The following PARPBP variants were observed in gnomAD, a reference collection of about 807,000 sequenced individuals.
PARPBP encodes PARP1 binding protein, also known as PCNA-interacting partner.
In PARPBP, 52 loss-of-function variants were observed where a neutral mutation model predicts 50.0. The observed-to-expected ratio is 1.04, with a 90% CI of 0.83 to 1.31. The LOEUF is 1.31. PARPBP is among the 50% of genes most tolerant of loss of function. The pLI is 0.00. For missense variants in PARPBP, 697 were observed against 672.0 expected (o/e 1.04, Z -0.41); for synonymous variants, 244 against 232.1 (o/e 1.05, Z -0.47).
chr12:102,175,367 T>C (rs1410988030), intron 6 of PARPBP, 116 bp from the exon 7 acceptor site: 18 of 593,300 alleles, frequency 3.0e-5, no homozygotes, highest in Non-Finnish European at 3.6e-5. Context: ...GTTTGATATA[T>C]AAGATCAAAG....
At chr12:102,194,029 A>T (rs181833317) in intron 9 of PARPBP, among the ~76,000 whole-genome samples, 1 of 152,140 alleles carries the variant, frequency 6.6e-6, no homozygotes, top group Admixed American at 6.6e-5. Flanking sequence ...ACTGTCACAG[A>T]CCTCATTAGT....
chr12:102,179,161 T>A (rs527314203), intron 8 of PARPBP, among the ~76,000 whole-genome samples: 140 of 152,284 alleles, frequency 9.2e-4, no homozygotes, highest in African/African-American at 3.1e-3. Context: ...ACTTGAGAGA[T>A]ATTAAGTAAT....
At chr12:102,179,915 ATCTCT>A (rs1375023724) in intron 8 of PARPBP, among the ~76,000 whole-genome samples, 1 of 152,056 alleles carries the variant, frequency 6.6e-6, no homozygotes, top group Non-Finnish European at 1.5e-5. Flanking sequence ...GTACCGCTTG[ATCTCT>A]TCTATTTTCT....
At chr12:102,190,300 C>T (rs760370586) in intron 9 of PARPBP, among the ~76,000 whole-genome samples, 71 of 151,886 alleles carry the variant, frequency 4.7e-4, no homozygotes, top group Non-Finnish European at 8.5e-4. Flanking sequence ...TTAATTCATT[C>T]AAAAAACAGT....
chr12:102,143,759 A>G (rs188275261), intron 2 of PARPBP, among the ~76,000 whole-genome samples: 11 of 152,072 alleles, frequency 7.2e-5, no homozygotes, highest in Admixed American at 3.3e-4. Context: ...CTGACTGACA[A>G]TCGTGTTAAT....
At chr12:102,193,229 A>G (rs894506893) in intron 9 of PARPBP, among the ~76,000 whole-genome samples, 1 of 151,944 alleles carries the variant, frequency 6.6e-6, no homozygotes. Context: ...TACCTAGACT[A>G]TATGTTAAAA....
intron 2 of PARPBP, among the ~76,000 whole-genome samples, chr12:102,139,390 G>A (rs922391802): frequency 3.9e-5 from 6 of 152,188 alleles, no homozygotes; most frequent in Admixed American, 6.5e-5. Context: ...GGGCTGAGAC[G>A]ATGGGGTTTT....
intron 2 of PARPBP, among the ~76,000 whole-genome samples, chr12:102,138,809 A>G (rs1884084492): frequency 6.6e-6 from 1 of 152,162 alleles, no homozygotes; most frequent in South Asian, 2.1e-4. Context: ...GATGTGTGAT[A>G]TTATTTCTGA....
intron 7 of PARPBP, among the ~76,000 whole-genome samples, chr12:102,176,937 G>T (rs1031453617): frequency 6.6e-6 from 1 of 152,124 alleles, no homozygotes. Flanking sequence ...GTATCAATCA[G>T]AATCTGTCAA....
chr12:102,122,864 G>C (rs1196066251), intron 1 of PARPBP, among the ~76,000 whole-genome samples: 1 of 152,178 alleles, frequency 6.6e-6, no homozygotes, highest in African/African-American at 2.4e-5. Flanking sequence ...TCAATATTAA[G>C]CTTTTGAAAA....
chr12:102,130,279 A>G (rs533797586), intron 2 of PARPBP, among the ~76,000 whole-genome samples: 1 of 152,340 alleles, frequency 6.6e-6, no homozygotes, highest in African/African-American at 2.4e-5. Context: ...CCAAAACTGG[A>G]AAAACCCTGG....
rs187625637 is a variant in PARPBP at position 102,154,110 on chromosome 12, C to T, written c.495+134C>T. ...TCTTTAGTATGTTTAAAACTGTATT[C>T]GCAAAGAATAATACATTGGAGGCTG... On this transcript the variant is annotated intron_variant, in intron 4 of 10. Transcript: ENST00000327680. 5.5e-5 allele frequency: 31 copies of T among 561,498 alleles called. No individual in the cohort carries two copies. In the East Asian group the frequency reaches 7.1e-4, roughly 13 times the overall value. 34.8% of individuals were successfully genotyped at this position (561,498 alleles called of 1,614,324 possible).
At chr12:102,140,311 T>G (rs1275420445) in intron 2 of PARPBP, among the ~76,000 whole-genome samples, 1 of 152,228 alleles carries the variant, frequency 6.6e-6, no homozygotes, top group Non-Finnish European at 1.5e-5. Flanking sequence ...TTTGTATTTC[T>G]GTGGGATTGG....
chr12:102,178,670 G>T lies in PARPBP; in HGVS notation c.1084G>T (p.Glu362Ter), dbSNP rs779839262. 2 of 1,613,308 alleles carry T rather than the reference G, an allele frequency of 1.2e-6. No individual in the cohort carries two copies. The highest frequency in any genetic ancestry group is 4.5e-5 in the East Asian group (2 of 44,854). Residue 362 changes from glutamate (E) to a stop codon, truncating the protein, a stop_gained, in exon 8 of 11, where the codon GAA (glutamate) becomes TAA (stop). Transcript: ENST00000327680. LOFTEE classifies it high-confidence loss of function. ...TVKALLVLLDEEAANAPTKNK... is the reference protein window; with the variant it reads ...TVKALLVLLD Reference sequence around the variant, plus strand: ...GAAAGCCTTATTAGTTCTTTTGGACGAAGAAGCAGCTAATGCTCCTACCAA... The same window carrying T: ...GAAAGCCTTATTAGTTCTTTTGGACTAAGAAGCAGCTAATGCTCCTACCAA...
chr12:102,131,848 G>A (rs574394325), intron 2 of PARPBP, among the ~76,000 whole-genome samples: 1 of 152,302 alleles, frequency 6.6e-6, no homozygotes, highest in South Asian at 2.1e-4. Flanking sequence ...GTGACGGGTG[G>A]GAGGAGGGAG....
chr12:102,158,487 C>T lies in PARPBP; in HGVS notation c.495+4511C>T, dbSNP rs201036400. Among the ~76,000 whole-genome samples, 5 of 152,320 alleles carry T rather than the reference C, an allele frequency of 3.3e-5. No homozygotes were observed. The East Asian group carries it at 9.6e-4, about 29-fold the overall frequency. On this transcript the variant is annotated intron_variant, in intron 4 of 10. Transcript: ENST00000327680. ...TGTCTTTTTTACATGCTCTAGTAGA[C>T]TTTTCAAGCATTTTCCTCTTTTCTG...
At chr12:102,188,750 A>C (rs2137244428) in intron 9 of PARPBP, among the ~76,000 whole-genome samples, 1 of 152,332 alleles carries the variant, frequency 6.6e-6, no homozygotes, top group African/African-American at 2.4e-5. Flanking sequence ...AAGGAATCAG[A>C]AAGAAATTAA....
chr12:102,182,530 T>C lies in PARPBP; in HGVS notation c.1185-19T>C, dbSNP rs776922627. 8.7e-5 allele frequency: 29 copies of C among 332,086 alleles called. No individual in the cohort carries two copies. Among genetic ancestry groups the C allele is most frequent in the Non-Finnish European group, 1.1e-4 (28 of 244,492 alleles). 20.6% of individuals were successfully genotyped at this position (332,086 alleles called of 1,614,324 possible). A position where few individuals can be genotyped will look rare whatever the true frequency, so the allele number is the denominator to read the frequency against. On this transcript the variant is annotated intron_variant, in intron 8 of 10. Coordinates refer to ENST00000327680, the MANE Select transcript of PARPBP (RefSeq NM_017915.5). Reference sequence around the variant, plus strand: ...CCAACCATAGCAATAAATTTTTGCCTTTTTTTTTTTTGACATAGGTCTCCC... The same window carrying C: ...CCAACCATAGCAATAAATTTTTGCCCTTTTTTTTTTTGACATAGGTCTCCC...
intron 9 of PARPBP, among the ~76,000 whole-genome samples, chr12:102,183,644 G>A (rs1890044342): frequency 6.6e-6 from 1 of 152,018 alleles, no homozygotes; most frequent in South Asian, 2.1e-4. Flanking sequence ...TCTATCCATT[G>A]GACTTGGATA....
Sources: gnomAD v4.1 joint callset for allele counts (sites outside exome capture counted in the v4.1 genomes callset) on GRCh38, gnomAD v4.1.1 for gene constraint, MANE v1.5 for transcripts, NCBI Gene and HGNC (gene_info 2026-07-23, HGNC 2026-07-21) for gene names.